IQCM: variants seen among roughly 807,000 people sequenced by gnomAD.
IQCM encodes the protein IQ motif containing M.
In IQCM, 45 loss-of-function variants were observed where a neutral mutation model predicts 57.6. That is an observed-to-expected ratio of 0.78 (90% CI 0.62 to 1.00). The LOEUF is 1.00. IQCM is among the 50% of genes least tolerant of loss of function. IQCM has a pLI of 0.00. For missense variants in IQCM, 468 were observed against 511.6 expected (o/e 0.91, Z 0.82); for synonymous variants, 148 against 158.9 (o/e 0.93, Z 0.51).
At chr4:149,517,605 A>G (rs1745114284) in intron 12 of IQCM, among the ~76,000 whole-genome samples, 1 of 152,116 alleles carries the variant, frequency 6.6e-6, no homozygotes, top group South Asian at 2.1e-4. Context: ...GGATTGAAGG[A>G]TGCTAAGTAT....
At chr4:149,445,635 G>A (rs891679071) in intron 12 of IQCM, among the ~76,000 whole-genome samples, 7 of 151,664 alleles carry the variant, frequency 4.6e-5, no homozygotes, top group Non-Finnish European at 8.8e-5. Flanking sequence ...TCATCATTGG[G>A]CAGTAAAACA....
At chr4:149,689,923 A>G (rs746628010) in intron 5 of IQCM, among the ~76,000 whole-genome samples, 19 of 152,118 alleles carry the variant, frequency 1.2e-4, no homozygotes, top group Non-Finnish European at 2.4e-4. Context: ...AGATGTTGGC[A>G]TGGATGCAGT....
chr4:149,533,101 G>C (rs1362034609), intron 12 of IQCM, among the ~76,000 whole-genome samples: 1 of 152,048 alleles, frequency 6.6e-6, no homozygotes, highest in African/African-American at 2.4e-5. Flanking sequence ...AAGTAATTTA[G>C]TGTATTTAAA....
At chr4:149,609,733 C>T (rs776484803) in intron 8 of IQCM, among the ~76,000 whole-genome samples, 3 of 151,724 alleles carry the variant, frequency 2.0e-5, no homozygotes, top group Admixed American at 2.0e-4. Context: ...GGGGAACATA[C>T]CTCAACATAA....
At chr4:149,581,936 G>T (rs559697516) in intron 9 of IQCM, among the ~76,000 whole-genome samples, 134 of 151,680 alleles carry the variant, frequency 8.8e-4, no homozygotes, top group Middle Eastern at 3.4e-3. Flanking sequence ...AGGAGAAGGG[G>T]AGGGGCAAGG....
At chr4:149,525,090 AT>A (rs1164708520) in intron 12 of IQCM, among the ~76,000 whole-genome samples, 4 of 151,866 alleles carry the variant, frequency 2.6e-5, no homozygotes, top group Non-Finnish European at 5.9e-5. Flanking sequence ...AGGAAAAATA[AT>A]TCCAGTATTT....
At chr4:149,494,344 G>A (rs537330471) in intron 12 of IQCM, among the ~76,000 whole-genome samples, 11 of 152,194 alleles carry the variant, frequency 7.2e-5, no homozygotes, top group African/African-American at 1.7e-4. Context: ...CCAAGGAAAC[G>A]TGTCTCAATA....
At chr4:149,631,248 G>A (rs145491838) in intron 7 of IQCM, among the ~76,000 whole-genome samples, 6 of 152,182 alleles carry the variant, frequency 3.9e-5, no homozygotes, top group Non-Finnish European at 8.8e-5. Context: ...TCTTGCTCCC[G>A]GTTTCCTGTG....
chr4:149,468,208 G>A (rs1390882673), intron 12 of IQCM, among the ~76,000 whole-genome samples: 2 of 152,134 alleles, frequency 1.3e-5, no homozygotes, highest in African/African-American at 4.8e-5. Flanking sequence ...CAAGGGGTCA[G>A]GAAATTCCCT....
intron 7 of IQCM, among the ~76,000 whole-genome samples, chr4:149,670,939 TC>T (rs1242194746): frequency 7.8e-6 from 1 of 128,854 alleles, no homozygotes; most frequent in Non-Finnish European, 1.7e-5. Context: ...TAAAATTCTC[TC>T]TTTTTTTTTT....
chr4:149,655,256 G>T (rs886427274), intron 7 of IQCM, among the ~76,000 whole-genome samples: 2 of 151,970 alleles, frequency 1.3e-5, no homozygotes, highest in African/African-American at 4.8e-5. Flanking sequence ...AAATCCTGTT[G>T]GTTTTTATTT....
chr4:149,502,153 C>T (rs56149034), intron 12 of IQCM, among the ~76,000 whole-genome samples: 22,421 of 124,950 alleles, frequency 0.18, 2,004 homozygotes, highest in East Asian at 0.36. Context: ...TATATATATA[C>T]ACACACACAC....
At chr4:149,806,434 G>A (rs1184091267) in intron 2 of IQCM, among the ~76,000 whole-genome samples, 2 of 151,854 alleles carry the variant, frequency 1.3e-5, no homozygotes, top group East Asian at 1.9e-4. Flanking sequence ...TTTCTCCTAT[G>A]TAACTGTATT....
At position 149,351,973 on chromosome 4, in the gene IQCM, T is replaced by C. The variant is rs1728617063; in HGVS notation, c.1484A>G (p.Tyr495Cys). 2 of 399,004 alleles carry C rather than the reference T, an allele frequency of 5.0e-6. No individual in the cohort carries two copies. The highest frequency in any genetic ancestry group is 8.8e-6 in the Non-Finnish European group (2 of 226,020). The allele number at this position is 399,004 out of a possible 1,614,324, so 24.7% of individuals were successfully genotyped here. Reference sequence around the variant, plus strand: ...ACATCATTCAACTTTACATGACTTATAATGTTGTCTCATTTTCCTTTCTCT... The same window carrying C: ...ACATCATTCAACTTTACATGACTTACAATGTTGTCTCATTTTCCTTTCTCT... ...SIRERKMRQH[Y>C]KSCKVE The change falls in exon 14 of 14, where the codon TAT becomes TGT. Residue 495 changes from tyrosine (Y) to cysteine (C), a missense_variant. Physicochemically the swap from Tyr to Cys is radical, Grantham distance 194. Coordinates refer to ENST00000636793, the MANE Select transcript of IQCM (RefSeq NM_001363507.2).
At chr4:149,459,680 C>T (rs1222718054) in intron 12 of IQCM, among the ~76,000 whole-genome samples, 5 of 152,140 alleles carry the variant, frequency 3.3e-5, no homozygotes, top group African/African-American at 1.2e-4. Context: ...TTCTAAGTTC[C>T]TTATACAGAA....
intron 13 of IQCM, among the ~76,000 whole-genome samples, chr4:149,427,881 T>C (rs1205642141): frequency 2.0e-5 from 3 of 151,904 alleles, no homozygotes; most frequent in Non-Finnish European, 4.4e-5. Flanking sequence ...AATGAGGATA[T>C]ACCCAAACAA....
At chr4:149,624,171 C>T (rs2359574) in intron 7 of IQCM, among the ~76,000 whole-genome samples, 2 of 132,064 alleles carry the variant, frequency 1.5e-5, no homozygotes, top group African/African-American at 2.5e-5. Flanking sequence ...TGTGTGTGTG[C>T]GCGCGCATGC....
At chr4:149,509,322 G>C (rs1260898519) in intron 12 of IQCM, among the ~76,000 whole-genome samples, 2 of 151,830 alleles carry the variant, frequency 1.3e-5, no homozygotes, top group Non-Finnish European at 2.9e-5. Flanking sequence ...CTGTTGCCCA[G>C]GCTGGGGTGC....
At chr4:149,410,405 T>C (rs1343215712) in intron 13 of IQCM, among the ~76,000 whole-genome samples, 1 of 150,702 alleles carries the variant, frequency 6.6e-6, no homozygotes, top group Non-Finnish European at 1.5e-5. Flanking sequence ...TCCACAAATA[T>C]ATATATACAC....
Sources: gnomAD v4.1 joint callset for allele counts (sites outside exome capture counted in the v4.1 genomes callset) on GRCh38, gnomAD v4.1.1 for gene constraint, MANE v1.5 for transcripts, NCBI Gene and HGNC (gene_info 2026-07-23, HGNC 2026-07-21) for gene names.